TMEM217: variants seen among roughly 807,000 people sequenced by gnomAD.
TMEM217 encodes the protein transmembrane protein 217, also known as chromosome 6 open reading frame 128.
For synonymous variants in TMEM217, 76 were observed against 88.3 expected, an observed-to-expected ratio of 0.86 and a Z score of 0.78; for missense variants, 204 against 248.8, an observed-to-expected ratio of 0.82 and a Z score of 1.21.
intron 1 of TMEM217, among the ~76,000 whole-genome samples, chr6:37,245,475 C>T (rs1349872126): frequency 6.6e-6 from 1 of 152,220 alleles, no homozygotes; most frequent in African/African-American, 2.4e-5. Context: ...AGAGTGGGTG[C>T]ATTTTATTAG....
At position 37,252,749 on chromosome 6, in the gene TMEM217, C is replaced by A. The variant is rs546582846; in HGVS notation, c.-12+4819G>T. On this transcript the variant is annotated intron_variant, in intron 1 of 1. Transcript: ENST00000357219. ...CCGCCTCCTGGGCTCAAGTGATCCT[C>A]CCACCTCAGCCTCTGAGTAGCTGGG... is the stretch of plus-strand genomic sequence containing the variant. Among the ~76,000 whole-genome samples, 5 of 150,972 alleles carry A rather than the reference C, an allele frequency of 3.3e-5. No homozygotes were observed. The South Asian group carries it at 1.0e-3, about 32-fold the overall frequency.
At chr6:37,225,351 TTCACAAGTGTTCA>T (rs1445407964) in intron 1 of TMEM217, among the ~76,000 whole-genome samples, 1 of 151,944 alleles carries the variant, frequency 6.6e-6, no homozygotes, top group Admixed American at 6.6e-5. Context: ...GAATGAGAGA[TTCACAAGTGTTCA>T]TCATAGTTTA....
exon 1 of TMEM217, chr6:37,257,819 G>T (rs566831898): frequency 5.1e-4 from 698 of 1,369,474 alleles, no homozygotes; most frequent in Non-Finnish European, 6.4e-4. Flanking sequence ...GACCGGCGGC[G>T]GGGAAGCGGC....
chr6:37,231,446 A>G (rs1245703627), intron 1 of TMEM217, among the ~76,000 whole-genome samples: 3 of 150,480 alleles, frequency 2.0e-5, no homozygotes, highest in Admixed American at 6.6e-5. Context: ...AGGCCGAGGC[A>G]GGCGGATCAT....
intron 1 of TMEM217, among the ~76,000 whole-genome samples, chr6:37,223,854 T>C (rs1353015168): frequency 6.6e-6 from 1 of 151,850 alleles, no homozygotes; most frequent in Admixed American, 6.6e-5. Context: ...AGTCTTGCTG[T>C]GTTGCCCAGG....
chr6:37,218,636 A>G (rs752128259), exon 2 of TMEM217: 1 of 1,614,194 alleles, frequency 6.2e-7, no homozygotes, highest in South Asian at 1.1e-5. Context: ...ACGAGACACC[A>G]AGCCAAACCA....
intron 1 of TMEM217, among the ~76,000 whole-genome samples, chr6:37,226,699 T>C (rs1265668809): frequency 1.3e-5 from 2 of 152,058 alleles, no homozygotes; most frequent in East Asian, 3.9e-4. Flanking sequence ...GTAGCTGGGA[T>C]TACAGGCGCG....
chr6:37,254,989 T>C (rs1765637750), intron 1 of TMEM217, among the ~76,000 whole-genome samples: 1 of 152,216 alleles, frequency 6.6e-6, no homozygotes, highest in Non-Finnish European at 1.5e-5. Flanking sequence ...TTCAAACTCC[T>C]GTGAGAATCT....
chr6:37,226,427 G>A (rs1468115393), intron 1 of TMEM217, among the ~76,000 whole-genome samples: 4 of 150,780 alleles, frequency 2.7e-5, no homozygotes, highest in African/African-American at 9.7e-5. Flanking sequence ...CAAGTAGCTG[G>A]GACTATAGGC....
At chr6:37,252,629 ATATATATATTTTTTTTTT>A (rs1765486152) in intron 1 of TMEM217, among the ~76,000 whole-genome samples, 1 of 72,730 alleles carries the variant, frequency 1.4e-5, no homozygotes, top group Non-Finnish European at 2.5e-5. Context: ...ATATATATAT[ATATATATATTTTTTTTTT>A]TTTTTTTTTT....
intron 1 of TMEM217, among the ~76,000 whole-genome samples, chr6:37,242,169 C>G (rs1156303109): frequency 2.0e-5 from 3 of 152,176 alleles, no homozygotes; most frequent in African/African-American, 7.2e-5. Flanking sequence ...AGTGGTCCCA[C>G]TGCTCATAGC....
intron 1 of TMEM217, among the ~76,000 whole-genome samples, chr6:37,255,790 G>T (rs1427807927): frequency 6.6e-6 from 1 of 152,146 alleles, no homozygotes; most frequent in Non-Finnish European, 1.5e-5. Flanking sequence ...GCAGGTGTGT[G>T]GTTGGTGAAG....
intron 1 of TMEM217, among the ~76,000 whole-genome samples, chr6:37,241,425 C>T (rs1764760097): frequency 6.6e-6 from 1 of 152,134 alleles, no homozygotes; most frequent in African/African-American, 2.4e-5. Context: ...CAGCATTGTA[C>T]CTGGAGAGGG....
chr6:37,212,549 C>T (rs1326131554), exon 4 of TMEM217: 10 of 460,046 alleles, frequency 2.2e-5, no homozygotes, highest in Non-Finnish European at 3.5e-5. Flanking sequence ...GCATGCTTGA[C>T]GATGAAGGGC....
At chr6:37,252,637 ATTTTTTTTT>A (rs374265453) in intron 1 of TMEM217, among the ~76,000 whole-genome samples, 1,245 of 71,184 alleles carry the variant, frequency 0.017, 11 homozygotes, top group Non-Finnish European at 0.025. Flanking sequence ...ATATATATAT[ATTTTTTTTT>A]TTTTTTTTTT....
chr6:37,232,334 A>G (rs574863302), intron 1 of TMEM217, among the ~76,000 whole-genome samples: 80 of 152,178 alleles, frequency 5.3e-4, no homozygotes, highest in Non-Finnish European at 9.4e-4. Context: ...CAAACCTTCA[A>G]GGATAATCTA....
intron 1 of TMEM217, among the ~76,000 whole-genome samples, chr6:37,243,574 C>G (rs2113896418): frequency 6.6e-6 from 1 of 152,240 alleles, no homozygotes; most frequent in South Asian, 2.1e-4. Context: ...ATCAATCTCC[C>G]CAAAGGCTCA....
rs756040104 is a variant in TMEM217, at chr6:37,257,995, G to T, written c.-439C>A. The T allele has an allele frequency of 6.2e-6, 10 of 1,613,160 alleles. No homozygotes were observed. In the South Asian group the frequency reaches 1.1e-4, roughly 18 times the overall value. ...GGAGGTGAGCCCAGGACGCTGAGAGGGATAGGGGATTGGACCAAACCCTTC... is the reference window on the plus strand; with the variant it reads ...GGAGGTGAGCCCAGGACGCTGAGAGTGATAGGGGATTGGACCAAACCCTTC... On this transcript the variant is annotated 5_prime_UTR_variant, in exon 1 of 2. Coordinates refer to ENST00000357219, the Ensembl canonical transcript of TMEM217.
downstream of TMEM217, chr6:37,215,197 C>A: frequency 6.2e-7 from 1 of 1,613,634 alleles, no homozygotes; most frequent in East Asian, 2.2e-5. Flanking sequence ...TCAATACTCA[C>A]TCAGCAGACA....
Sources: allele counts gnomAD v4.1 joint callset (sites outside exome capture counted in the v4.1 genomes callset), GRCh38; gene constraint gnomAD v4.1.1; transcripts MANE v1.5; gene names NCBI Gene and HGNC (gene_info 2026-07-23, HGNC 2026-07-21).